Variants in LIMCH1 observed in about 807,000 individuals in gnomAD.
The protein encoded by LIMCH1 is LIM and calponin homology domains-containing protein 1.
In LIMCH1, 113 loss-of-function variants were observed where a neutral mutation model predicts 176.5. That is an observed-to-expected ratio of 0.64 (90% CI 0.55 to 0.75). The LOEUF (loss-of-function observed/expected upper bound fraction) is 0.75, where lower values mean the gene tolerates loss of function less well. Among genes scored for constraint, LIMCH1 ranks in the 30% least tolerant of loss-of-function variants. The probability of loss-of-function intolerance (pLI) is 0.00; values close to 1 mark genes in which losing one functional copy is unlikely to be tolerated. For missense variants in LIMCH1, 1,674 were observed against 1,814.9 expected, an observed-to-expected ratio of 0.92 and a Z score of 1.41; for synonymous variants, 619 against 645.9, an observed-to-expected ratio of 0.96 and a Z score of 0.63.
chr4:41,680,546 T>A (rs550112749), intron 24 of LIMCH1, among the ~76,000 whole-genome samples: 3 of 152,204 alleles, frequency 2.0e-5, no homozygotes, highest in Non-Finnish European at 2.9e-5. Context: ...TTAGGTTCAT[T>A]TTGTTTTTTA....
At chr4:41,383,709 A>G (rs1330697528) in intron 1 of LIMCH1, among the ~76,000 whole-genome samples, 2 of 152,150 alleles carry the variant, frequency 1.3e-5, no homozygotes, top group African/African-American at 2.4e-5. Flanking sequence ...GCTCAGATAT[A>G]TATCTATATC....
intron 1 of LIMCH1, among the ~76,000 whole-genome samples, chr4:41,464,376 T>C (rs1340022627): frequency 6.7e-6 from 1 of 150,188 alleles, no homozygotes; most frequent in East Asian, 1.9e-4. Context: ...TTTTCTTTTT[T>C]TTTTTTTTCT....
At chr4:41,581,913 G>T (rs2085555668) in intron 1 of LIMCH1, among the ~76,000 whole-genome samples, 1 of 151,080 alleles carries the variant, frequency 6.6e-6, no homozygotes. Context: ...GTCCTCCAGA[G>T]TTCATCCACG....
intron 1 of LIMCH1, among the ~76,000 whole-genome samples, chr4:41,542,474 G>A (rs1263553957): frequency 1.3e-5 from 2 of 151,736 alleles, no homozygotes; most frequent in East Asian, 3.9e-4. Context: ...AAACTTAAAG[G>A]AAGGAAAAAA....
intron 6 of LIMCH1, chr4:41,619,805 G>A (rs2092424325): frequency 4.0e-6 from 1 of 247,648 alleles, no homozygotes; most frequent in Non-Finnish European, 7.9e-6. Flanking sequence ...CTATCTTTAT[G>A]CAAAAAGATG....
rs529868942 is a variant in LIMCH1 at position 41,370,522 on chromosome 4, TA to T, written c.96+9595del. ...CCCCTCTTCTTTTCCTATGGAAAAT[TA>T]AAAAAAAAGTTGCCTGTGGAGCTGA... On this transcript the variant is annotated intron_variant, in intron 1 of 26. Coordinates refer to the LIMCH1 transcript ENST00000313860. Among the ~76,000 whole-genome samples, 112 of 151,160 alleles carry T rather than the reference TA, an allele frequency of 7.4e-4. 1 individual carries two copies. The highest frequency in any genetic ancestry group is 2.6e-3 in the African/African-American group (108 of 41,266).
chr4:41,395,440 A>G (rs2057705610), intron 1 of LIMCH1, among the ~76,000 whole-genome samples: 1 of 135,178 alleles, frequency 7.4e-6, no homozygotes, highest in Non-Finnish European at 1.5e-5. Context: ...GTGGGGTTTC[A>G]CCATGTTGAC....
At chr4:41,477,408 AC>A (rs2067913805) in intron 1 of LIMCH1, among the ~76,000 whole-genome samples, 1 of 152,124 alleles carries the variant, frequency 6.6e-6, no homozygotes, top group Non-Finnish European at 1.5e-5. Context: ...TGTTCCCCCC[AC>A]CATGACAACC....
intron 1 of LIMCH1, chr4:41,472,902 T>C (rs2067191108): frequency 2.1e-6 from 1 of 471,306 alleles, no homozygotes. Context: ...CATGGACCCT[T>C]CTTTCCACAT....
At chr4:41,411,545 T>C (rs1382096472) in intron 1 of LIMCH1, among the ~76,000 whole-genome samples, 1 of 151,970 alleles carries the variant, frequency 6.6e-6, no homozygotes, top group Non-Finnish European at 1.5e-5. Context: ...CCTTGAAGCT[T>C]TAAGCAACCA....
At chr4:41,622,134 T>C (rs2092626049) in intron 7 of LIMCH1, among the ~76,000 whole-genome samples, 1 of 152,200 alleles carries the variant, frequency 6.6e-6, no homozygotes, top group Admixed American at 6.5e-5. Flanking sequence ...TAAAGAGTAA[T>C]GTAATAAAAT....
chr4:41,581,761 G>A (rs1253026507), intron 1 of LIMCH1, among the ~76,000 whole-genome samples: 35 of 139,942 alleles, frequency 2.5e-4, no homozygotes, highest in African/African-American at 6.4e-4. Flanking sequence ...AGCCGAGATC[G>A]CGCCACTGCA....
Position 41,697,884 on chromosome 4 carries a change from T to C in LIMCH1, c.*699T>C, listed in dbSNP as rs1731626315. 1.3e-5 allele frequency: 2 copies of C among 152,168 alleles called. No homozygotes were observed. Among genetic ancestry groups the C allele is most frequent in the African/African-American group, 4.8e-5 (2 of 41,436 alleles). 9.4% of individuals were successfully genotyped at this position (152,168 alleles called of 1,614,324 possible). On this transcript the variant is annotated 3_prime_UTR_variant, in exon 32 of 32. Transcript: ENST00000503057. ...CATCAAATAAAGCAAAACCTTGCAA[T>C]ATCAGCTAGATTTACACTCCGGGAC...
rs2074104889 is a variant in LIMCH1 at position 41,505,934 on chromosome 4, A to ACACACACACACACG, written c.167+11341_167+11342insGCACACACACACAC. 3.4e-5 allele frequency among the ~76,000 whole-genome samples: 4 copies of ACACACACACACACG among 118,340 alleles called. No individual in the cohort carries two copies. In the South Asian group the frequency reaches 1.4e-3, roughly 41 times the overall value. 77.6% of individuals were successfully genotyped at this position (118,340 alleles called of 152,430 possible). ...CTCTCTCTGTGTTTCTGACACACAC[A>ACACACACACACACG]CACACACACACACACACACACACAC... On this transcript the variant is annotated intron_variant, in intron 2 of 26. Transcript: ENST00000313860.
intron 1 of LIMCH1, among the ~76,000 whole-genome samples, chr4:41,400,306 G>A (rs558439421): frequency 6.6e-6 from 1 of 152,116 alleles, no homozygotes; most frequent in Non-Finnish European, 1.5e-5. Flanking sequence ...GTGTCATGGG[G>A]TACCTTGGAA....
chr4:41,461,219 A>G (rs568462301), intron 1 of LIMCH1, among the ~76,000 whole-genome samples: 2 of 152,298 alleles, frequency 1.3e-5, no homozygotes, highest in South Asian at 2.1e-4. Flanking sequence ...GTGTTTTAGT[A>G]TGACTTGCTC....
chr4:41,507,477 C>T (rs2074325886), intron 2 of LIMCH1, among the ~76,000 whole-genome samples: 1 of 152,062 alleles, frequency 6.6e-6, no homozygotes, highest in Non-Finnish European at 1.5e-5. Context: ...CCAGGAAATT[C>T]CAAGGGATTA....
At chr4:41,399,201 T>A (rs1163622158) in intron 1 of LIMCH1, among the ~76,000 whole-genome samples, 1 of 152,182 alleles carries the variant, frequency 6.6e-6, no homozygotes, top group East Asian at 1.9e-4. Context: ...CAGCCTGTTG[T>A]TTATTCTGAA....
chr4:41,509,371 C>G (rs755579047), intron 2 of LIMCH1, among the ~76,000 whole-genome samples: 8 of 152,192 alleles, frequency 5.3e-5, no homozygotes, highest in Non-Finnish European at 1.0e-4. Context: ...GTCTAGAGCT[C>G]TCTCTCTAAC....
Sources: allele counts gnomAD v4.1 joint callset (sites outside exome capture counted in the v4.1 genomes callset), GRCh38; gene constraint gnomAD v4.1.1; transcripts MANE v1.5; gene names NCBI Gene and HGNC (gene_info 2026-07-23, HGNC 2026-07-21).